The following PGK1 variants were observed in gnomAD, a reference collection of about 807,000 sequenced individuals.
The protein encoded by PGK1 is PRP 2.
In PGK1, 3 loss-of-function variants were observed where a neutral mutation model predicts 26.9. That is an observed-to-expected ratio of 0.11 (90% CI 0.05 to 0.29). PGK1 has a LOEUF of 0.29. Ranked by LOEUF, PGK1 falls within the 10% of genes least tolerant of loss-of-function variation. The pLI, the probability that PGK1 is intolerant of heterozygous loss-of-function variation, is 1.00. For missense variants in PGK1, 270 were observed against 314.7 expected (o/e 0.86, Z 1.07); for synonymous variants, 125 against 115.3 (o/e 1.08, Z -0.54).
At chrX:78,122,328 T>G (rs1394615421) in intron 6 of PGK1, among the ~76,000 whole-genome samples, 1 of 110,549 alleles carries the variant, frequency 9.0e-6, no homozygotes, top group Non-Finnish European at 1.9e-5. Flanking sequence ...TGCTCTAAGG[T>G]TAGGATAATT....
rs1210830905 is a variant in PGK1 at position 78,125,375 on chromosome X, A to T, written c.1163A>T (p.Lys388Ile). The T allele has an allele frequency of 8.3e-7, 1 of 1,207,134 alleles. No homozygotes were observed. The highest frequency in any genetic ancestry group is 1.1e-6 in the Non-Finnish European group (1 of 892,999). Residue 388 changes from lysine to isoleucine, a missense_variant, in exon 10 of 11, where the codon AAA becomes ATA. Lys to Ile is a moderately radical substitution (Grantham distance 102, BLOSUM62 -3). Coordinates refer to ENST00000373316, the MANE Select transcript of PGK1 (RefSeq NM_000291.4). ...TCCAKWNTED[K>I]VSHVSTGGGA... Reference sequence around the variant, plus strand: ...TGTGCCAAATGGAACACGGAGGATAAAGTCAGCCATGTGAGCACTGGGGGT... The same window carrying T: ...TGTGCCAAATGGAACACGGAGGATATAGTCAGCCATGTGAGCACTGGGGGT...
Position 78,104,370 on chromosome X carries a change from C to T in PGK1, c.30C>T (p.Asp10=), listed in dbSNP as rs781825608. 8.3e-7 allele frequency: 1 copy of T among 1,206,564 alleles called. No individual in the cohort carries two copies. Among genetic ancestry groups the T allele is most frequent in the South Asian group, 1.8e-5 (1 of 56,824 alleles). MSLSNKLTL[D]KLDVKGKRVV... Reference sequence around the variant, plus strand: ...CGCTTTCTAACAAGCTGACGCTGGACAAGCTGGACGTTAAAGGGAAGCGGG... The same window carrying T: ...CGCTTTCTAACAAGCTGACGCTGGATAAGCTGGACGTTAAAGGGAAGCGGG... Residue 10 remains aspartate, a synonymous_variant, in exon 1 of 11, where the codon GAC becomes GAT. Coordinates refer to ENST00000373316, the MANE Select transcript of PGK1 (RefSeq NM_000291.4).
At position 78,113,819 on chromosome X, in the gene PGK1, A is replaced by T; in HGVS notation, c.192A>T (p.Leu64=). 1 of 1,207,580 alleles carries T rather than the reference A, an allele frequency of 8.3e-7. No individual in the cohort carries two copies. The highest frequency in any genetic ancestry group is 1.1e-6 in the Non-Finnish European group (1 of 891,827). Residue 64 remains leucine (L), a synonymous_variant, in exon 3 of 11, where the codon CTA becomes CTT. Transcript: ENST00000373316. The stretch of plus-strand genomic sequence containing the variant: ...AGTCGGTAGTCCTTATGAGCCACCT[A>T]GGCCGGCCTGATGGTGTGCCCATGC... ...GAKSVVLMSH[L]GRPDGVPMPD... is the part of the protein sequence containing the mutation.
At chrX:78,121,576 G>A (rs1449867401) in intron 6 of PGK1, among the ~76,000 whole-genome samples, 1 of 112,269 alleles carries the variant, frequency 8.9e-6, no homozygotes, top group Non-Finnish European at 1.9e-5. Context: ...CACTGGATAG[G>A]CATTATCTTG....
chrX:78,123,164 T>C (rs374405073), intron 7 of PGK1, 31 bp from the exon 8 acceptor site: 4 of 1,130,444 alleles, frequency 3.5e-6, no homozygotes, highest in Non-Finnish European at 4.9e-6. Flanking sequence ...GTATAGATGC[T>C]GACCTCCATC....
At chrX:78,114,503 G>A (rs141194930) in intron 4 of PGK1, among the ~76,000 whole-genome samples, 1,175 of 111,240 alleles carry the variant, frequency 0.011, 48 homozygotes, top group Admixed American at 0.1. Context: ...TTCTTAAGAT[G>A]TGTAAAGTAT....
chrX:78,116,601 T>C (rs782028259), intron 4 of PGK1, among the ~76,000 whole-genome samples: 1 of 112,492 alleles, frequency 8.9e-6, no homozygotes, highest in Non-Finnish European at 1.9e-5. Context: ...TGCCAGAGAC[T>C]CTCTGGTTTG....
intron 7 of PGK1, 21 bp downstream of exon 7, chrX:78,122,970 G>A: frequency 1.1e-6 from 1 of 924,573 alleles, no homozygotes; most frequent in South Asian, 2.0e-5. Context: ...AATGCCAAGT[G>A]GATGTGAAAT....
rs184856352 is a variant in PGK1 at position 78,104,945 on chromosome X, G to A, written c.65+540G>A. Among the ~76,000 whole-genome samples, 13 of 112,096 alleles carry A rather than the reference G, an allele frequency of 1.2e-4. No homozygotes were observed. In the East Asian group the frequency reaches 3.4e-3, roughly 29 times the overall value. ...CGCCACTAAAGAATTGGGGTGGGAG[G>A]GTAGGGCGGGGCGAACTGGAGGAGG... On this transcript the variant is annotated intron_variant, in intron 1 of 10. Transcript: ENST00000373316.
rs2149136977 is a variant in PGK1, at chrX:78,124,856, T to G, written c.937-18T>G. 1 of 1,200,020 alleles carries G rather than the reference T, an allele frequency of 8.3e-7. No homozygotes were observed. The highest frequency in any genetic ancestry group is 3.0e-5 in the East Asian group (1 of 33,825). On this transcript the variant is annotated intron_variant, in intron 8 of 10. Transcript: ENST00000373316. ...CTTTTCTTGATAGCTCATCTTCTCT[T>G]TCACCTCTACCCCTCAGGGCTTGGA...
Position 78,126,769 on chromosome X carries a change from TCTACATAACTAATACAGCTGAG to T in PGK1, c.*943_*964del, listed in dbSNP as rs1192722028. 1.0e-5 allele frequency: 1 copy of T among 96,418 alleles called. No individual in the cohort carries two copies. The highest frequency in any genetic ancestry group is 2.1e-5 in the Non-Finnish European group (1 of 48,618). 7.9% of individuals were successfully genotyped at this position (96,418 alleles called of 1,213,427 possible). A position where few individuals can be genotyped will look rare whatever the true frequency, so the allele number is the denominator to read the frequency against. The stretch of plus-strand genomic sequence containing the variant: ...TCACAATTATAGATTAGATCAAAAG[TCTACATAACTAATACAGCTGAG>T]CTATGTAGTATGCTATGATTAAATT... On this transcript the variant is annotated 3_prime_UTR_variant, in exon 11 of 11. Transcript: ENST00000373316.
At chrX:78,123,813 T>C (rs1208203975) in intron 8 of PGK1, among the ~76,000 whole-genome samples, 1 of 110,998 alleles carries the variant, frequency 9.0e-6, no homozygotes. Context: ...TTCACCATGT[T>C]GGTCAGGATG....
At chrX:78,124,238 T>G (rs1414005823) in intron 8 of PGK1, among the ~76,000 whole-genome samples, 2 of 111,905 alleles carry the variant, frequency 1.8e-5, no homozygotes, top group Non-Finnish European at 3.8e-5. Flanking sequence ...TAGTTCAGTG[T>G]TTCTCAAAGT....
At chrX:78,117,699 A>G (rs1354352562) in intron 5 of PGK1, among the ~76,000 whole-genome samples, 1 of 112,609 alleles carries the variant, frequency 8.9e-6, no homozygotes, top group Non-Finnish European at 1.9e-5. Flanking sequence ...TGAACGTTAT[A>G]AGATCAGACT....
At chrX:78,123,897 G>C (rs782440962) in intron 8 of PGK1, among the ~76,000 whole-genome samples, 10 of 111,673 alleles carry the variant, frequency 9.0e-5, no homozygotes, top group Non-Finnish European at 1.9e-4. Context: ...GTGAGCCACT[G>C]TGCCCGGCCC....
intron 8 of PGK1, 101 bp from the exon 9 acceptor site, chrX:78,124,770 TAGA>T (rs1339976522): frequency 1.1e-5 from 7 of 657,655 alleles, no homozygotes; most frequent in Non-Finnish European, 1.8e-5. Context: ...TATTTGTTTC[TAGA>T]AGAAACTTTG....
chrX:78,120,412 G>GTA (rs1230490438), intron 6 of PGK1, among the ~76,000 whole-genome samples: 2 of 109,963 alleles, frequency 1.8e-5, no homozygotes, highest in Admixed American at 9.7e-5. Flanking sequence ...ATAAATATGT[G>GTA]TATATATGTG....
At chrX:78,117,206 C>T in intron 4 of PGK1, 106 bp from the exon 5 acceptor site, 3 of 579,799 alleles carry the variant, frequency 5.2e-6, no homozygotes, top group South Asian at 4.8e-5. Context: ...CGCTGTCCCA[C>T]CTACTCAGGG....
At chrX:78,109,262 G>C (rs1330791979) in intron 1 of PGK1, among the ~76,000 whole-genome samples, 3 of 111,332 alleles carry the variant, frequency 2.7e-5, no homozygotes, top group African/African-American at 9.8e-5. Flanking sequence ...AGGACCCCTA[G>C]TCTTAAGGCC....
Sources: allele counts gnomAD v4.1 joint callset (sites outside exome capture counted in the v4.1 genomes callset), GRCh38; gene constraint gnomAD v4.1.1; transcripts MANE v1.5; gene names NCBI Gene and HGNC (gene_info 2026-07-23, HGNC 2026-07-21).